Variants in IMMP2L observed in about 807,000 individuals in gnomAD.
The protein encoded by IMMP2L is mitochondrial inner membrane protease subunit 2.
In IMMP2L, 18 loss-of-function variants were observed where a neutral mutation model predicts 19.3. That is an observed-to-expected ratio of 0.93 (90% CI 0.64 to 1.38). The LOEUF (loss-of-function observed/expected upper bound fraction) is 1.38. Ranked by LOEUF, IMMP2L falls within the 40% of genes most tolerant of loss-of-function variation. IMMP2L has a pLI of 0.00. For synonymous variants in IMMP2L, 76 were observed against 73.0 expected (o/e 1.04, Z -0.21); for missense variants, 233 against 218.2 (o/e 1.07, Z -0.43).
intron 3 of IMMP2L, among the ~76,000 whole-genome samples, chr7:111,214,331 C>CTT (rs1169450523): frequency 0.018 from 1,504 of 82,098 alleles, 310 homozygotes; most frequent in African/African-American, 0.072. Context: ...AATTTTTCTT[C>CTT]TTTTTTTTTT....
At chr7:111,023,429 G>A (rs949869730) in intron 3 of IMMP2L, among the ~76,000 whole-genome samples, 2 of 151,964 alleles carry the variant, frequency 1.3e-5, no homozygotes, top group South Asian at 2.1e-4. Flanking sequence ...GGCTGGGAGC[G>A]GTGGCTCATG....
At chr7:111,515,689 T>C (rs966930199) in intron 2 of IMMP2L, among the ~76,000 whole-genome samples, 43 of 152,184 alleles carry the variant, frequency 2.8e-4, no homozygotes, top group Non-Finnish European at 3.2e-4. Context: ...AGATGTTTCA[T>C]CTGCTATATT....
intron 3 of IMMP2L, among the ~76,000 whole-genome samples, chr7:111,143,178 A>T (rs928058553): frequency 1.3e-5 from 2 of 152,234 alleles, no homozygotes; most frequent in South Asian, 4.1e-4. Context: ...CACAATGAGA[A>T]GAAAACAAAA....
intron 5 of IMMP2L, among the ~76,000 whole-genome samples, chr7:110,825,058 C>T (rs1376470259): frequency 1.3e-5 from 2 of 151,902 alleles, no homozygotes; most frequent in Non-Finnish European, 2.9e-5. Context: ...AAACAAATAG[C>T]CGAATCATGA....
chr7:110,677,515 G>A (rs915878683), intron 5 of IMMP2L, among the ~76,000 whole-genome samples: 1 of 152,006 alleles, frequency 6.6e-6, no homozygotes, highest in Non-Finnish European at 1.5e-5. Flanking sequence ...CATACAGAAC[G>A]GATAAACACA....
At chr7:111,446,187 A>C (rs566327725) in intron 3 of IMMP2L, among the ~76,000 whole-genome samples, 135 of 152,272 alleles carry the variant, frequency 8.9e-4, no homozygotes, top group African/African-American at 3.0e-3. Flanking sequence ...TGGAAGCTCA[A>C]ACTGGGTGGA....
rs569782080 is a variant in IMMP2L, at chr7:111,208,691, C to T, written c.240-245126G>A. 7.9e-4 allele frequency among the ~76,000 whole-genome samples: 120 copies of T among 152,198 alleles called. 1 individual carries two copies. Among genetic ancestry groups the T allele is most frequent in the Non-Finnish European group, 6.5e-4 (44 of 68,012 alleles). ...ATGTGTAGGTAGTTTAGAGTACACA[C>T]GGATGGGAGGCTGGGCATAGAATAC... On this transcript the variant is annotated intron_variant, in intron 3 of 5. Transcript: ENST00000405709.
At chr7:111,294,903 T>C (rs975250907) in intron 3 of IMMP2L, among the ~76,000 whole-genome samples, 2 of 151,958 alleles carry the variant, frequency 1.3e-5, no homozygotes, top group African/African-American at 4.8e-5. Context: ...CTAAGTATAA[T>C]GTAGCAATAA....
intron 2 of IMMP2L, among the ~76,000 whole-genome samples, chr7:111,504,396 C>T (rs2132484438): frequency 6.6e-6 from 1 of 151,924 alleles, no homozygotes; most frequent in African/African-American, 2.4e-5. Flanking sequence ...GCCATACTGC[C>T]CAAGGTAATT....
intron 5 of IMMP2L, among the ~76,000 whole-genome samples, chr7:110,705,778 G>C (rs1431950938): frequency 6.6e-6 from 1 of 151,386 alleles, no homozygotes; most frequent in Non-Finnish European, 1.5e-5. Context: ...GTCTATTCTT[G>C]CCATCTTTAT....
At chr7:110,871,963 C>T (rs894407723) in intron 5 of IMMP2L, among the ~76,000 whole-genome samples, 1 of 152,032 alleles carries the variant, frequency 6.6e-6, no homozygotes, top group Non-Finnish European at 1.5e-5. Context: ...AATAGCCAAG[C>T]AAAGTCTACA....
chr7:111,080,207 A>G (rs940622366), intron 3 of IMMP2L, among the ~76,000 whole-genome samples: 4 of 152,184 alleles, frequency 2.6e-5, no homozygotes, highest in Admixed American at 2.6e-4. Context: ...TGGACTGCAG[A>G]TCTTATTGCT....
intron 2 of IMMP2L, among the ~76,000 whole-genome samples, chr7:111,516,779 C>T (rs1845906366): frequency 6.6e-6 from 1 of 152,040 alleles, no homozygotes; most frequent in African/African-American, 2.4e-5. Context: ...GATTTCTGAG[C>T]CAAAAGTAAT....
chr7:111,359,696 G>A (rs1829077865), intron 3 of IMMP2L, among the ~76,000 whole-genome samples: 1 of 152,076 alleles, frequency 6.6e-6, no homozygotes, highest in African/African-American at 2.4e-5. Context: ...CTCATTGGTT[G>A]TTAAGCAAGA....
chr7:110,828,623 A>G (rs1338194765), intron 5 of IMMP2L, among the ~76,000 whole-genome samples: 1 of 152,178 alleles, frequency 6.6e-6, no homozygotes, highest in African/African-American at 2.4e-5. Flanking sequence ...AGGTGATACT[A>G]AAAGAAATGT....
At position 111,331,920 on chromosome 7, in the gene IMMP2L, A is replaced by T. The variant is rs1008122031; in HGVS notation, c.239+155318T>A. Among the ~76,000 whole-genome samples, 5 of 151,846 alleles carry T rather than the reference A, an allele frequency of 3.3e-5. 1 individual carries two copies. The East Asian group carries it at 7.7e-4, about 23-fold the overall frequency. The stretch of plus-strand genomic sequence containing the variant: ...ATGACCTTAACCCAACTTGTTATTA[A>T]CTGGGAAAGTTAAGCAAAAAAACTA... On this transcript the variant is annotated intron_variant, in intron 3 of 5. Coordinates refer to ENST00000405709, the MANE Select transcript of IMMP2L (RefSeq NM_032549.4).
At chr7:111,132,127 T>C (rs1801908066) in intron 3 of IMMP2L, among the ~76,000 whole-genome samples, 1 of 151,984 alleles carries the variant, frequency 6.6e-6, no homozygotes, top group Non-Finnish European at 1.5e-5. Context: ...CAAATTGCAG[T>C]TACTACTTAT....
At chr7:111,045,891 T>G (rs1792345442) in intron 3 of IMMP2L, among the ~76,000 whole-genome samples, 1 of 152,130 alleles carries the variant, frequency 6.6e-6, no homozygotes, top group Non-Finnish European at 1.5e-5. Context: ...TAACAGCAAT[T>G]TGAAACAAAT....
intron 3 of IMMP2L, among the ~76,000 whole-genome samples, chr7:111,020,111 C>T (rs560298960): frequency 6.7e-5 from 10 of 149,748 alleles, no homozygotes; most frequent in South Asian, 4.2e-4. Flanking sequence ...AGGCCTAGCA[C>T]GGTGGCTCAC....
Sources: gnomAD v4.1 joint callset for allele counts (sites outside exome capture counted in the v4.1 genomes callset) on GRCh38, gnomAD v4.1.1 for gene constraint, MANE v1.5 for transcripts, NCBI Gene and HGNC (gene_info 2026-07-23, HGNC 2026-07-21) for gene names.